The following EVI5L variants were observed in gnomAD, a reference collection of about 807,000 sequenced individuals.
EVI5L encodes ecotropic viral integration site 5 like, also known as EVI5-like protein.
A neutral mutation model predicts 106.1 loss-of-function variants in EVI5L; 30 were observed. The ratio of observed to expected loss-of-function variants is 0.28; its 90% CI spans 0.21 to 0.38. The LOEUF (loss-of-function observed/expected upper bound fraction) is 0.38, where lower values mean the gene tolerates loss of function less well. Ranked by LOEUF, EVI5L falls within the 10% of genes least tolerant of loss-of-function variation. The pLI is 1.00. For synonymous variants in EVI5L, 489 were observed against 483.3 expected (o/e 1.01, Z -0.15); for missense variants, 809 against 1,098.0 (o/e 0.74, Z 3.72).
At chr19:7,844,436 C>G (rs568340494) in intron 1 of EVI5L, among the ~76,000 whole-genome samples, 42 of 152,292 alleles carry the variant, frequency 2.8e-4, no homozygotes, top group African/African-American at 9.9e-4. Context: ...CTGAAGCTCT[C>G]ACTGCTCCCC....
chr19:7,840,151 A>T (rs1978537282), intron 1 of EVI5L, among the ~76,000 whole-genome samples: 1 of 152,198 alleles, frequency 6.6e-6, no homozygotes, highest in Admixed American at 6.5e-5. Context: ...TTTGAAGAGC[A>T]TCTCCGCATG....
Position 7,849,288 on chromosome 19 carries a change from C to T in EVI5L, c.585C>T (p.Tyr195=), listed in dbSNP as rs1222078877. The part of the protein sequence containing the change: ...AYSLVDREVG[Y]CQGSAFIVGL... ...CGCTGGTAGACCGGGAGGTGGGCTA[C>T]TGCCAGGGAAGCGCCTTCATCGTGG... The change falls in exon 5 of 20, where the codon TAC becomes TAT. Residue 195 remains tyrosine (Y), a synonymous_variant. Coordinates refer to ENST00000538904, the MANE Select transcript of EVI5L (RefSeq NM_001159944.3). 2 of 1,614,218 alleles carry T rather than the reference C, an allele frequency of 1.2e-6. No homozygotes were observed. Among genetic ancestry groups the T allele is most frequent in the South Asian group, 1.1e-5 (1 of 91,086 alleles).
rs1032185736 is a variant in EVI5L at position 7,850,282 on chromosome 19, C to T, written c.753+160C>T. On this transcript the variant is annotated intron_variant, in intron 6 of 19. Transcript: ENST00000538904. The surrounding 1 kb of genome is among the most constrained non-coding windows in gnomAD (Gnocchi z 5.4). ...CCAAGCCTGTGAAATCACACCTGGA[C>T]GTTCCAACTCCAAAAGGCACTCCTC... is the stretch of plus-strand genomic sequence containing the variant. Among the ~76,000 whole-genome samples, 4 of 152,134 alleles carry T rather than the reference C, an allele frequency of 2.6e-5. No individual in the cohort carries two copies. The highest frequency in any genetic ancestry group is 3.9e-4 in the East Asian group (2 of 5,186).
Position 7,839,031 on chromosome 19 carries a change from G to A in EVI5L, c.-47-7465G>A, listed in dbSNP as rs1018990540. On this transcript the variant is annotated intron_variant, in intron 1 of 19. Coordinates refer to ENST00000538904, the MANE Select transcript of EVI5L (RefSeq NM_001159944.3). ...AAAAAAAAAATCCTTGGCCAGGCAC[G>A]GTGGCTCACGCCTGTAATCTCAGAA... is the stretch of plus-strand genomic sequence containing the variant. Among the ~76,000 whole-genome samples the A allele has an allele frequency of 3.3e-5, 5 of 151,152 alleles. No individual in the cohort carries two copies. In the East Asian group the frequency reaches 7.8e-4, roughly 24 times the overall value.
At position 7,863,096 on chromosome 19, in the gene EVI5L, G is replaced by A. The variant is rs1979928469; in HGVS notation, c.2043+29G>A. The A allele has an allele frequency of 4.1e-6, 3 of 734,608 alleles. No homozygotes were observed. Among genetic ancestry groups the A allele is most frequent in the Non-Finnish European group, 7.1e-6 (3 of 420,472 alleles). 45.5% of individuals were successfully genotyped at this position (734,608 alleles called of 1,614,324 possible). ...ATCGGCGGGGCCGGGGTCGGGGGGC[G>A]GGGGCGGGGGCAGGGCCCGGGGCAG... On this transcript the variant is annotated intron_variant, in intron 18 of 19. Transcript: ENST00000538904. This position sits in a 1 kb window ranked among gnomAD's most constrained non-coding sequence, Gnocchi z 7.7.
chr19:7,836,783 G>A (rs1199418340), intron 1 of EVI5L, among the ~76,000 whole-genome samples: 1 of 151,834 alleles, frequency 6.6e-6, no homozygotes, highest in Non-Finnish European at 1.5e-5. Flanking sequence ...ACTACACCTA[G>A]CTAATTTTGT....
At chr19:7,843,200 GGTGT>G (rs1231261671) in intron 1 of EVI5L, among the ~76,000 whole-genome samples, 1 of 115,808 alleles carries the variant, frequency 8.6e-6, no homozygotes, top group Non-Finnish European at 1.8e-5. Context: ...TGTGTATAGG[GGTGT>G]GTGTGTGAGA....
intron 14 of EVI5L, among the ~76,000 whole-genome samples, chr19:7,861,000 G>A (rs573489045): frequency 1.4e-4 from 21 of 152,110 alleles, no homozygotes; most frequent in Non-Finnish European, 2.9e-4. Flanking sequence ...ACAGGAAGGA[G>A]AGAAAGGAAG....
chr19:7,851,653 C>T (rs1979257446), intron 7 of EVI5L, 28 bp from the exon 8 acceptor site: 1 of 1,586,798 alleles, frequency 6.3e-7, no homozygotes, highest in South Asian at 1.1e-5. Flanking sequence ...CTGCCCTCCA[C>T]CTCCCACTGC....
In EVI5L at chr19:7,842,060, AGT is replaced by A. The variant is rs1382117372; in HGVS notation, c.-47-4429_-47-4428del. Among the ~76,000 whole-genome samples, 7 of 151,922 alleles carry A rather than the reference AGT, an allele frequency of 4.6e-5. No homozygotes were observed. In the South Asian group the frequency reaches 1.5e-3, roughly 32 times the overall value. ...GTGTGTGCCTGAGTGCGGGTGCAAGAGTGTGTGTCAATGGGTATGTTTTGTGT... is the reference window on the plus strand; with the variant it reads ...GTGTGTGCCTGAGTGCGGGTGCAAGAGTGTGTCAATGGGTATGTTTTGTGT... On this transcript the variant is annotated intron_variant, in intron 1 of 19. Transcript: ENST00000538904.
Position 7,861,874 on chromosome 19 carries a change from G to A in EVI5L, c.1504-4G>A. 1 of 1,550,702 alleles carries A rather than the reference G, an allele frequency of 6.4e-7. No homozygotes were observed. The highest frequency in any genetic ancestry group is 1.4e-5 in the African/African-American group (1 of 73,184). Reference sequence around the variant, plus strand: ...CCCAGGCCCTGACCCCACTCTTCCCGCAGAGGAACAGCTCGCTGCCCGACG... The same window carrying A: ...CCCAGGCCCTGACCCCACTCTTCCCACAGAGGAACAGCTCGCTGCCCGACG... On this transcript the variant is annotated splice_polypyrimidine_tract_variant and splice_region_variant and intron_variant, in intron 14 of 19. Coordinates refer to ENST00000538904, the MANE Select transcript of EVI5L (RefSeq NM_001159944.3).
intron 1 of EVI5L, among the ~76,000 whole-genome samples, chr19:7,833,843 C>T (rs1407495071): frequency 6.6e-6 from 1 of 152,164 alleles, no homozygotes; most frequent in African/African-American, 2.4e-5. Flanking sequence ...CTGCAGCACA[C>T]ACATGCTAGC....
chr19:7,857,508 A>G lies in EVI5L; in HGVS notation c.1233+384A>G, dbSNP rs1165675615. The G allele has an allele frequency of 4.4e-5, 16 of 362,268 alleles. No individual in the cohort carries two copies. The highest frequency in any genetic ancestry group is 1.8e-4 in the South Asian group (6 of 32,946). 22.4% of individuals were successfully genotyped at this position (362,268 alleles called of 1,614,324 possible). The stretch of plus-strand genomic sequence containing the variant: ...ACAACACATGCACACACACACACGC[A>G]CACACACGCCCGGCCCTCACGCTGC... On this transcript the variant is annotated intron_variant, in intron 12 of 19. Transcript: ENST00000538904. This position sits in a 1 kb window ranked among gnomAD's most constrained non-coding sequence, Gnocchi z 4.5.
At chr19:7,860,928 G>C (rs1373544831) in intron 14 of EVI5L, among the ~76,000 whole-genome samples, 7 of 152,150 alleles carry the variant, frequency 4.6e-5, no homozygotes, top group Admixed American at 3.3e-4. Context: ...CCACCTGTGT[G>C]TGTTTCCCCC....
chr19:7,861,133 G>C (rs1245311248), intron 14 of EVI5L, among the ~76,000 whole-genome samples: 2 of 152,176 alleles, frequency 1.3e-5, no homozygotes, highest in African/African-American at 2.4e-5. Flanking sequence ...GGAGCTCCCA[G>C]AGGAAGGAAA....
At chr19:7,860,467 G>A in intron 13 of EVI5L, 94 bp from the exon 14 acceptor site, 1 of 1,125,770 alleles carries the variant, frequency 8.9e-7, no homozygotes, top group Middle Eastern at 3.0e-4. Context: ...CCTGCTGAAG[G>A]GCTCTGGGGA....
chr19:7,846,735 C>A, intron 2 of EVI5L, 56 bp downstream of exon 2: 1 of 1,568,312 alleles, frequency 6.4e-7, no homozygotes, highest in South Asian at 1.2e-5. Context: ...TGGGCCCCCA[C>A]AGGAGTTCCC....
intron 13 of EVI5L, among the ~76,000 whole-genome samples, chr19:7,859,965 G>C (rs1004658389): frequency 6.6e-6 from 1 of 152,252 alleles, no homozygotes; most frequent in Non-Finnish European, 1.5e-5. Context: ...AGGTCAGTGA[G>C]AGGGAGCCCG....
At chr19:7,847,709 C>T (rs775424127) in intron 2 of EVI5L, 23 bp from the exon 3 acceptor site, 1 of 1,603,872 alleles carries the variant, frequency 6.2e-7, no homozygotes, top group South Asian at 1.1e-5. Context: ...ACTGGTTCCC[C>T]TCTGTCGGCC....
Sources: gnomAD v4.1 joint callset for allele counts (sites outside exome capture counted in the v4.1 genomes callset) on GRCh38, gnomAD v4.1.1 for gene constraint, Gnocchi (gnomAD v3.1) non-coding constraint, MANE v1.5 for transcripts, NCBI Gene and HGNC (gene_info 2026-07-23, HGNC 2026-07-21) for gene names.